Variants in PDLIM5 observed in about 807,000 individuals in gnomAD.
The protein encoded by PDLIM5 is PDZ and LIM domain 5, also known as PDZ and LIM domain protein 5.
Under a neutral mutation model 64.2 loss-of-function variants are expected in PDLIM5, and 34 were observed. The observed-to-expected ratio is 0.53, with a 90% CI of 0.40 to 0.71. PDLIM5 has a LOEUF of 0.71. PDLIM5 is among the 30% of genes least tolerant of loss of function. PDLIM5 has a pLI of 0.00. For missense variants in PDLIM5, 683 were observed against 733.6 expected (o/e 0.93, Z 0.80); for synonymous variants, 253 against 269.1 (o/e 0.94, Z 0.59).
At chr4:94,635,198 G>A (rs947297723) in intron 8 of PDLIM5, among the ~76,000 whole-genome samples, 3 of 152,070 alleles carry the variant, frequency 2.0e-5, no homozygotes, top group African/African-American at 7.2e-5. Context: ...GTGGTGAAAT[G>A]TATTTGGTAC....
chr4:94,567,137 C>T (rs2452007), intron 3 of PDLIM5, among the ~76,000 whole-genome samples: 150,811 of 152,278 alleles, frequency 0.99, 74,682 homozygotes, highest in East Asian at 1. Flanking sequence ...GGACTACAGG[C>T]GCCCGCCACC....
intron 7 of PDLIM5, among the ~76,000 whole-genome samples, chr4:94,590,665 G>T (rs2110328957): frequency 6.6e-6 from 1 of 152,280 alleles, no homozygotes; most frequent in African/African-American, 2.4e-5. Flanking sequence ...AGTCAGCCGT[G>T]TGATGACTTG....
chr4:94,459,072 G>T (rs991363901), intron 2 of PDLIM5, among the ~76,000 whole-genome samples: 6 of 152,260 alleles, frequency 3.9e-5, no homozygotes, highest in African/African-American at 1.4e-4. Context: ...GTAGCAGTGT[G>T]GGTTTGTTGG....
chr4:94,664,007 C>G lies in PDLIM5; in HGVS notation c.1731C>G (p.Thr577=). Residue 577 remains threonine, a synonymous_variant, in exon 13 of 13, where the codon ACC becomes ACG. Transcript: ENST00000317968. The stretch of plus-strand genomic sequence containing the variant: ...GTTGTGAAAGTTTGGAAGGTCAGAC[C>G]TTTTTCTCCAAGAAGGACAAGCCCC... ...SVCCESLEGQ[T]FFSKKDKPLC... 1 of 1,607,398 alleles carries G rather than the reference C, an allele frequency of 6.2e-7. No homozygotes were observed. Among genetic ancestry groups the G allele is most frequent in the Non-Finnish European group, 8.5e-7 (1 of 1,175,494 alleles).
rs1310737560 is a variant in PDLIM5 at position 94,618,034 on chromosome 4, T to A, written c.951T>A (p.Ala317=). Residue 317 remains alanine, a synonymous_variant, in exon 8 of 13, where the codon GCT becomes GCA. Coordinates refer to ENST00000317968, the MANE Select transcript of PDLIM5 (RefSeq NM_006457.5). ...CTCAGGAGCCTTCTCCGCAGTTGGCTTCCTCGGTAGCTTCCACACGGAGCA... is the reference window on the plus strand; with the variant it reads ...CTCAGGAGCCTTCTCCGCAGTTGGCATCCTCGGTAGCTTCCACACGGAGCA... ...NNSQEPSPQL[A]SSVASTRSMP... is the part of the protein sequence containing the mutation. The A allele has an allele frequency of 1.3e-6, 2 of 1,586,754 alleles. No individual in the cohort carries two copies. The highest frequency in any genetic ancestry group is 1.7e-6 in the Non-Finnish European group (2 of 1,166,802).
chr4:94,543,093 A>G (rs1051511383), intron 3 of PDLIM5, among the ~76,000 whole-genome samples: 1 of 151,830 alleles, frequency 6.6e-6, no homozygotes, highest in African/African-American at 2.4e-5. Flanking sequence ...TCCTTTTAAA[A>G]CTCTTTTTGG....
At chr4:94,607,580 C>T (rs918448839) in intron 7 of PDLIM5, among the ~76,000 whole-genome samples, 2 of 152,120 alleles carry the variant, frequency 1.3e-5, no homozygotes, top group African/African-American at 4.8e-5. Context: ...AACATTCTGA[C>T]GTGAAACTTT....
At chr4:94,636,312 G>A (rs1453577283) in intron 8 of PDLIM5, among the ~76,000 whole-genome samples, 1 of 151,322 alleles carries the variant, frequency 6.6e-6, no homozygotes, top group Non-Finnish European at 1.5e-5. Context: ...TTTCTTTGAG[G>A]TCTGATTTTC....
intron 4 of PDLIM5, 192 bp downstream of exon 4, chr4:94,573,585 G>A (rs562545745): frequency 1.6e-6 from 1 of 613,292 alleles, no homozygotes; most frequent in East Asian, 2.7e-5. Flanking sequence ...AATTATACAT[G>A]TTATAAAACA....
Position 94,604,350 on chromosome 4 carries a change from C to T in PDLIM5, c.921-13654C>T, listed in dbSNP as rs115825218. On this transcript the variant is annotated intron_variant, in intron 7 of 12. Coordinates refer to ENST00000317968, the MANE Select transcript of PDLIM5 (RefSeq NM_006457.5). ...AGGAGGTATCTAATGTAGTCATCTT[C>T]GGGCTGGGTGTGGTGGCTCACGCCT... Among the ~76,000 whole-genome samples, 1,420 of 152,110 alleles carry T rather than the reference C, an allele frequency of 9.3e-3. 28 individuals carry two copies. Among genetic ancestry groups the T allele is most frequent in the African/African-American group, 0.03 (1,251 of 41,518 alleles).
rs1743147591 is a variant in PDLIM5, at chr4:94,667,759, T to C, written c.*3692T>C. 6.6e-6 allele frequency: 1 copy of C among 152,208 alleles called. No individual in the cohort carries two copies. Among genetic ancestry groups the C allele is most frequent in the South Asian group, 2.1e-4 (1 of 4,828 alleles). The allele number at this position is 152,208 out of a possible 1,614,324, so 9.4% of individuals were successfully genotyped here. On this transcript the variant is annotated 3_prime_UTR_variant, in exon 13 of 13. Transcript: ENST00000317968. The stretch of plus-strand genomic sequence containing the variant: ...AGCTCAAATCTTCAAAATATTACTA[T>C]AGCATTATGTTTAAAATAATCTACA...
chr4:94,568,418 A>G (rs1421446508), intron 3 of PDLIM5, among the ~76,000 whole-genome samples: 1 of 152,198 alleles, frequency 6.6e-6, no homozygotes, highest in Non-Finnish European at 1.5e-5. Flanking sequence ...CTTTATTGAA[A>G]TGGTATTTTC....
intron 3 of PDLIM5, among the ~76,000 whole-genome samples, chr4:94,539,193 G>C (rs1731564048): frequency 6.6e-6 from 1 of 152,172 alleles, no homozygotes; most frequent in Non-Finnish European, 1.5e-5. Context: ...ACAAACCTTA[G>C]TAATACGTGA....
At chr4:94,616,706 T>A (rs564019634) in intron 7 of PDLIM5, among the ~76,000 whole-genome samples, 1 of 152,352 alleles carries the variant, frequency 6.6e-6, no homozygotes, top group South Asian at 2.1e-4. Context: ...AAACAGGTTT[T>A]AGTTTTTTAA....
intron 2 of PDLIM5, among the ~76,000 whole-genome samples, chr4:94,494,019 G>A (rs1027723517): frequency 5.3e-5 from 8 of 152,104 alleles, no homozygotes; most frequent in Admixed American, 3.9e-4. Context: ...GAGTGCAGTG[G>A]TGTAATTGTA....
At chr4:94,610,389 T>A in intron 7 of PDLIM5, 1 of 726,830 alleles carries the variant, frequency 1.4e-6, no homozygotes, top group Non-Finnish European at 2.1e-6. Context: ...AACATGCCCC[T>A]TTGAAGCAAT....
At chr4:94,635,140 A>T (rs908354305) in intron 8 of PDLIM5, among the ~76,000 whole-genome samples, 1 of 152,150 alleles carries the variant, frequency 6.6e-6, no homozygotes, top group Non-Finnish European at 1.5e-5. Context: ...TCTCACCAAC[A>T]CTATTGGTTT....
intron 7 of PDLIM5, 112 bp from the exon 8 acceptor site, chr4:94,617,892 G>T: frequency 1.8e-6 from 1 of 551,246 alleles, no homozygotes; most frequent in Non-Finnish European, 3.0e-6. Flanking sequence ...CTTTTCTAAA[G>T]AATTGATTAA....
chr4:94,630,856 T>C (rs1293891620), intron 8 of PDLIM5, among the ~76,000 whole-genome samples: 3 of 152,208 alleles, frequency 2.0e-5, no homozygotes, highest in Non-Finnish European at 4.4e-5. Context: ...CACACCAATA[T>C]GAAGTTTGTA....
Sources: allele counts gnomAD v4.1 joint callset (sites outside exome capture counted in the v4.1 genomes callset), GRCh38; gene constraint gnomAD v4.1.1; transcripts MANE v1.5; gene names NCBI Gene and HGNC (gene_info 2026-07-23, HGNC 2026-07-21).